The following OR10G7 variants were observed in gnomAD, a reference collection of about 807,000 sequenced individuals.
OR10G7 encodes the protein olfactory receptor 10G7.
For synonymous variants in OR10G7, 165 were observed against 167.4 expected (o/e 0.99, Z 0.11); for missense variants, 338 against 382.1 (o/e 0.88, Z 0.96).
In OR10G7 at chr11:124,037,996, T is replaced by A; in HGVS notation, c.*70A>T. The A allele has an allele frequency of 1.0e-6, 1 of 981,768 alleles. No homozygotes were observed. 60.8% of individuals were successfully genotyped at this position (981,768 alleles called of 1,614,324 possible). A position where few individuals can be genotyped will look rare whatever the true frequency, so the allele number is the denominator to read the frequency against. ...ATTGAAATGCTCCATTCAAGTATAA[T>A]GCTTATGTTGAAGGTTTAATTTAAT... On this transcript the variant is annotated 3_prime_UTR_variant, in exon 2 of 2. Transcript: ENST00000641585.
chr11:124,040,831 C>A (rs939323593), intron 1 of OR10G7, 55 bp downstream of exon 1: 2 of 152,082 alleles, frequency 1.3e-5, no homozygotes, highest in Non-Finnish European at 2.9e-5. Flanking sequence ...CACCTCCCCT[C>A]AAAAAGTGTC....
chr11:124,038,418 T>G lies in OR10G7; in HGVS notation c.584A>C (p.Glu195Ala), dbSNP rs200190231. ...KLACADTSAN[E>A]MVIFVNIGLV... ...CCCAATATTCACAAAGATGACCATC[T>G]CGTTGGCTGAGGTGTCTGCACAGGC... The change falls in exon 2 of 2, where the codon GAG (glutamate) becomes GCG (alanine). Residue 195 changes from glutamate (E) to alanine (A), a missense_variant. By Grantham distance (107) the Glu-to-Ala change is moderately radical. Transcript: ENST00000641585. 1.2e-6 allele frequency: 2 copies of G among 1,613,932 alleles called. No individual in the cohort carries two copies. The highest frequency in any genetic ancestry group is 3.3e-5 in the Admixed American group (2 of 60,000).
At position 124,041,253 on chromosome 11, in the gene OR10G7, A is replaced by AT. The variant is rs1864238603; in HGVS notation, c.-389dup. ...CTGAAAACTCCTTGTGCAGGGAATG[A>AT]TTTTTTTCCTATTTCTTTTTTAAAT... On this transcript the variant is annotated 5_prime_UTR_variant, in exon 1 of 2. Coordinates refer to ENST00000641585, the MANE Select transcript of OR10G7 (RefSeq NM_001004463.2). 6.6e-6 allele frequency: 1 copy of AT among 152,052 alleles called. No individual in the cohort carries two copies. Among genetic ancestry groups the AT allele is most frequent in the African/African-American group, 2.4e-5 (1 of 41,346 alleles). 9.4% of individuals were successfully genotyped at this position (152,052 alleles called of 1,614,324 possible). A position where few individuals can be genotyped will look rare whatever the true frequency, so the allele number is the denominator to read the frequency against.
At chr11:124,039,087 C>G in intron 1 of OR10G7, 66 bp from the exon 2 acceptor site, 1 of 1,428,132 alleles carries the variant, frequency 7.0e-7, no homozygotes, top group Admixed American at 2.3e-5. Context: ...AATATGGCAA[C>G]TATATTTTTC....
rs1864200037 is a variant in OR10G7, at chr11:124,037,312, ATATT to A, written c.*750_*753del. The stretch of plus-strand genomic sequence containing the variant: ...TCTAAGATTATTTGATCATTTTTGT[ATATT>A]TATTATTTATCCTCTGGTACTTATA... On this transcript the variant is annotated 3_prime_UTR_variant, in exon 2 of 2. Coordinates refer to ENST00000641585, the MANE Select transcript of OR10G7 (RefSeq NM_001004463.2). The A allele has an allele frequency of 6.6e-6, 1 of 151,994 alleles. No individual in the cohort carries two copies. Among genetic ancestry groups the A allele is most frequent in the East Asian group, 1.9e-4 (1 of 5,186 alleles). 9.4% of individuals were successfully genotyped at this position (151,994 alleles called of 1,614,324 possible). A position where few individuals can be genotyped will look rare whatever the true frequency, so the allele number is the denominator to read the frequency against.
intron 1 of OR10G7, among the ~76,000 whole-genome samples, chr11:124,040,318 T>TA (rs1168393995): frequency 2.0e-5 from 3 of 151,902 alleles, no homozygotes; most frequent in South Asian, 2.1e-4. Context: ...CTTCTAAAAA[T>TA]AAAAAAAGTC....
rs1864195574 is a variant in OR10G7, at chr11:124,036,759, G to A, written c.*1307C>T. On this transcript the variant is annotated 3_prime_UTR_variant, in exon 2 of 2. Coordinates refer to ENST00000641585, the MANE Select transcript of OR10G7 (RefSeq NM_001004463.2). ...ACCTCTTATACTGATCATGGTTTAT[G>A]TAGTTCATGCTTCATGTACTGTGTC... is the stretch of plus-strand genomic sequence containing the variant. 6.6e-6 allele frequency: 1 copy of A among 152,182 alleles called. No individual in the cohort carries two copies. The highest frequency in any genetic ancestry group is 2.1e-4 in the South Asian group (1 of 4,828). 9.4% of individuals were successfully genotyped at this position (152,182 alleles called of 1,614,324 possible).
chr11:124,039,470 G>A (rs75616643), intron 1 of OR10G7, among the ~76,000 whole-genome samples: 2 of 151,880 alleles, frequency 1.3e-5, no homozygotes, highest in African/African-American at 2.4e-5. Context: ...ACACATACAG[G>A]TTCAGTCTCT....
At chr11:124,039,271 T>C (rs1403432765) in intron 1 of OR10G7, among the ~76,000 whole-genome samples, 1 of 152,108 alleles carries the variant, frequency 6.6e-6, no homozygotes, top group Non-Finnish European at 1.5e-5. Flanking sequence ...AGAACAAATT[T>C]TGTATCCTAT....
Position 124,036,798 on chromosome 11 carries a change from C to T in OR10G7, c.*1268G>A, listed in dbSNP as rs1288051399. Reference sequence around the variant, plus strand: ...ATGTACTGTGTCATGGTTTATGTAGCTCATGCTTACCAAGTTAGTATGTTT... The same window carrying T: ...ATGTACTGTGTCATGGTTTATGTAGTTCATGCTTACCAAGTTAGTATGTTT... On this transcript the variant is annotated 3_prime_UTR_variant, in exon 2 of 2. Coordinates refer to ENST00000641585, the MANE Select transcript of OR10G7 (RefSeq NM_001004463.2). 2.6e-5 allele frequency: 4 copies of T among 152,164 alleles called. No individual in the cohort carries two copies. The highest frequency in any genetic ancestry group is 7.2e-5 in the African/African-American group (3 of 41,442). The allele number at this position is 152,164 out of a possible 1,614,324, so 9.4% of individuals were successfully genotyped here. A position where few individuals can be genotyped will look rare whatever the true frequency, so the allele number is the denominator to read the frequency against.
Position 124,038,083 on chromosome 11 carries a change from A to C in OR10G7, c.919T>G (p.Phe307Val). ...TTTCTTAACTATTCACCCTGAGCAA[A>C]TACTGACCCATTTTTCAGCTTCAAC... Reference protein sequence around the residue: ...ALLKLKNGSVFAQGE With the variant: ...ALLKLKNGSVVAQGE The change falls in exon 2 of 2, where the codon TTT (phenylalanine) becomes GTT (valine). Residue 307 changes from phenylalanine (F) to valine (V), a missense_variant. Coordinates refer to ENST00000641585, the MANE Select transcript of OR10G7 (RefSeq NM_001004463.2). 6.2e-7 allele frequency: 1 copy of C among 1,612,186 alleles called. No homozygotes were observed. The highest frequency in any genetic ancestry group is 8.5e-7 in the Non-Finnish European group (1 of 1,179,080).
chr11:124,038,995 T>C lies in OR10G7; in HGVS notation c.7A>G (p.Asn3Asp), dbSNP rs549859141. 2.7e-5 allele frequency: 43 copies of C among 1,612,784 alleles called. No individual in the cohort carries two copies. Among genetic ancestry groups the C allele is most frequent in the South Asian group, 1.9e-4 (17 of 91,040 alleles). Reference protein sequence around the residue: MSNATLLTAFILT... With the variant: MSDATLLTAFILT... ...ATGAACGCTGTCAGTAGGGTGGCGT[T>C]GGACATTTCTTCTCATATATGGGGC... The change falls in exon 2 of 2, where the codon AAC (asparagine) becomes GAC (aspartate). Residue 3 changes from asparagine to aspartate, a missense_variant. Transcript: ENST00000641585.
At position 124,038,631 on chromosome 11, in the gene OR10G7, G is replaced by A; in HGVS notation, c.371C>T (p.Ala124Val). The A allele has an allele frequency of 1.2e-6, 2 of 1,613,954 alleles. No homozygotes were observed. The highest frequency in any genetic ancestry group is 1.7e-6 in the Non-Finnish European group (2 of 1,179,994). Residue 124 changes from alanine (A) to valine (V), a missense_variant, in exon 2 of 2, where the codon GCC (alanine) becomes GTC (valine). By Grantham distance (64) the Ala-to-Val change is moderately conservative. Coordinates refer to ENST00000641585, the MANE Select transcript of OR10G7 (RefSeq NM_001004463.2). ...GGTGTACCTGAGCGGGTAACTGATGGCCAGGTAGCGATCATAGGACATGAC... is the reference window on the plus strand; with the variant it reads ...GGTGTACCTGAGCGGGTAACTGATGACCAGGTAGCGATCATAGGACATGAC... The part of the protein sequence containing the change: ...YTVMSYDRYL[A>V]ISYPLRYTNM...
rs998175520 is a variant in OR10G7 at position 124,036,790 on chromosome 11, T to A, written c.*1276A>T. The A allele has an allele frequency of 6.6e-6, 1 of 152,212 alleles. No individual in the cohort carries two copies. Among genetic ancestry groups the A allele is most frequent in the African/African-American group, 2.4e-5 (1 of 41,458 alleles). The allele number at this position is 152,212 out of a possible 1,614,324, so 9.4% of individuals were successfully genotyped here. A position where few individuals can be genotyped will look rare whatever the true frequency, so the allele number is the denominator to read the frequency against. On this transcript the variant is annotated 3_prime_UTR_variant, in exon 2 of 2. Coordinates refer to ENST00000641585, the MANE Select transcript of OR10G7 (RefSeq NM_001004463.2). ...CATGCTTCATGTACTGTGTCATGGT[T>A]TATGTAGCTCATGCTTACCAAGTTA...
rs1390367275 is a variant in OR10G7, at chr11:124,037,523, A to G, written c.*543T>C. 1.3e-5 allele frequency: 2 copies of G among 152,164 alleles called. No individual in the cohort carries two copies. Among genetic ancestry groups the G allele is most frequent in the South Asian group, 4.1e-4 (2 of 4,822 alleles). The allele number at this position is 152,164 out of a possible 1,614,324, so 9.4% of individuals were successfully genotyped here. A position where few individuals can be genotyped will look rare whatever the true frequency, so the allele number is the denominator to read the frequency against. ...CAGAAATCTTTCAGGCCAAAGTAAG[A>G]AAAAAATATTAAAGAGTTATATGGT... On this transcript the variant is annotated 3_prime_UTR_variant, in exon 2 of 2. Transcript: ENST00000641585.
In OR10G7 at chr11:124,038,028, TAA is replaced by T; in HGVS notation, c.*36_*37del. ...GTTGAAGGTTTAATTTAATTACAAA[TAA>T]AAAAAGAAAAGTTAGCCATATATGG... On this transcript the variant is annotated 3_prime_UTR_variant, in exon 2 of 2. Coordinates refer to ENST00000641585, the MANE Select transcript of OR10G7 (RefSeq NM_001004463.2). 1 of 1,384,634 alleles carries T rather than the reference TAA, an allele frequency of 7.2e-7. No individual in the cohort carries two copies. Among genetic ancestry groups the T allele is most frequent in the African/African-American group, 1.5e-5 (1 of 68,710 alleles). The allele number at this position is 1,384,634 out of a possible 1,614,324, so 85.8% of individuals were successfully genotyped here. A position where few individuals can be genotyped will look rare whatever the true frequency, so the allele number is the denominator to read the frequency against.
Position 124,036,128 on chromosome 11 carries a change from A to C in OR10G7, c.*1938T>G, listed in dbSNP as rs945563759. 6.6e-6 allele frequency: 1 copy of C among 152,198 alleles called. No homozygotes were observed. The highest frequency in any genetic ancestry group is 1.5e-5 in the Non-Finnish European group (1 of 68,034). The allele number at this position is 152,198 out of a possible 1,614,324, so 9.4% of individuals were successfully genotyped here. On this transcript the variant is annotated 3_prime_UTR_variant, in exon 2 of 2. Coordinates refer to ENST00000641585, the MANE Select transcript of OR10G7 (RefSeq NM_001004463.2). ...TAATAATGTCAATATCCCAGTTGTG[A>C]TATTGCACTACAATTTTGCTAACTG...
chr11:124,038,125 C>A lies in OR10G7; in HGVS notation c.877G>T (p.Glu293Ter), dbSNP rs776944826. 1.8e-5 allele frequency: 29 copies of A among 1,613,958 alleles called. No homozygotes were observed. In the African/African-American group the frequency reaches 3.7e-4, roughly 21 times the overall value. Residue 293 changes from glutamate to a stop codon, truncating the protein, a stop_gained, in exon 2 of 2, where the codon GAG becomes TAG. Coordinates refer to ENST00000641585, the MANE Select transcript of OR10G7 (RefSeq NM_001004463.2). LOFTEE classifies it low-confidence loss of function (END_TRUNC). ...NPVVYTLRNK[E>*]VKKALLKLKN... ...AGCTTCAACAGAGCTTTCTTTACCTCCTTGTTTCTCAGGGTGTACACAACA... is the reference window on the plus strand; with the variant it reads ...AGCTTCAACAGAGCTTTCTTTACCTACTTGTTTCTCAGGGTGTACACAACA...
chr11:124,036,839 C>T lies in OR10G7; in HGVS notation c.*1227G>A, dbSNP rs1864196208. 1 of 152,170 alleles carries T rather than the reference C, an allele frequency of 6.6e-6. No homozygotes were observed. Among genetic ancestry groups the T allele is most frequent in the Non-Finnish European group, 1.5e-5 (1 of 68,016 alleles). The allele number at this position is 152,170 out of a possible 1,614,324, so 9.4% of individuals were successfully genotyped here. On this transcript the variant is annotated 3_prime_UTR_variant, in exon 2 of 2. Transcript: ENST00000641585. ...TAGTATGTTTTTCTTCTCAATATCA[C>T]CGCACAGTTTACTTGGAGCAAGATA...
Sources: gnomAD v4.1 joint callset for allele counts (sites outside exome capture counted in the v4.1 genomes callset) on GRCh38, gnomAD v4.1.1 for gene constraint, MANE v1.5 for transcripts, NCBI Gene and HGNC (gene_info 2026-07-23, HGNC 2026-07-21) for gene names.